ANKS1B: variants seen among roughly 807,000 people sequenced by gnomAD.
ANKS1B encodes ankyrin repeat and sterile alpha motif domain containing 1B, also known as ankyrin repeat and sterile alpha motif domain-containing protein 1B.
Under a neutral mutation model 148.3 loss-of-function variants are expected in ANKS1B, and 36 were observed. The observed-to-expected ratio is 0.24, with a 90% confidence interval of 0.19 to 0.32. The LOEUF is 0.32. ANKS1B is among the 10% of genes least tolerant of loss of function. The probability of loss-of-function intolerance (pLI) is 1.00; values close to 1 mark genes in which losing one functional copy is unlikely to be tolerated. For missense variants in ANKS1B, 1,157 were observed against 1,542.6 expected, an observed-to-expected ratio of 0.75 and a Z score of 4.19; for synonymous variants, 542 against 560.8, an observed-to-expected ratio of 0.97 and a Z score of 0.47.
intron 17 of ANKS1B, among the ~76,000 whole-genome samples, chr12:98,979,209 A>T (rs140386430): frequency 2.6e-5 from 4 of 152,012 alleles, no homozygotes; most frequent in African/African-American, 9.6e-5. Flanking sequence ...TACCACTTAC[A>T]TCACTTCATT....
At chr12:99,368,851 G>T (rs1353006390) in intron 12 of ANKS1B, among the ~76,000 whole-genome samples, 1 of 152,050 alleles carries the variant, frequency 6.6e-6, no homozygotes, top group Non-Finnish European at 1.5e-5. Context: ...TTTGGGAAAA[G>T]CTGTCGCCAA....
intron 12 of ANKS1B, among the ~76,000 whole-genome samples, chr12:99,325,117 G>T (rs1398994485): frequency 6.6e-6 from 1 of 151,994 alleles, no homozygotes; most frequent in Non-Finnish European, 1.5e-5. Context: ...AGCATATAGG[G>T]TCTTCAAAAA....
At chr12:99,377,896 C>G (rs1273955824) in intron 12 of ANKS1B, among the ~76,000 whole-genome samples, 2 of 152,128 alleles carry the variant, frequency 1.3e-5, no homozygotes, top group African/African-American at 4.8e-5. Flanking sequence ...TTGTGACTTG[C>G]TTGTAACAAC....
chr12:99,951,903 G>A (rs2095231640), intron 1 of ANKS1B, among the ~76,000 whole-genome samples: 1 of 152,018 alleles, frequency 6.6e-6, no homozygotes, highest in Non-Finnish European at 1.5e-5. Flanking sequence ...GTATTAGGTA[G>A]GACAGGGACC....
At chr12:98,808,565 G>A (rs2099068872) in intron 19 of ANKS1B, among the ~76,000 whole-genome samples, 1 of 152,074 alleles carries the variant, frequency 6.6e-6, no homozygotes, top group Non-Finnish European at 1.5e-5. Context: ...TGTTCCTCAA[G>A]CAGAAACCCT....
intron 14 of ANKS1B, among the ~76,000 whole-genome samples, chr12:99,234,699 A>G (rs1289274515): frequency 6.6e-6 from 1 of 151,972 alleles, no homozygotes; most frequent in East Asian, 1.9e-4. Context: ...GAAACTGAGT[A>G]AGTCACCTAA....
intron 17 of ANKS1B, among the ~76,000 whole-genome samples, chr12:99,010,724 A>G (rs1264357467): frequency 6.6e-6 from 1 of 150,706 alleles, no homozygotes; most frequent in Non-Finnish European, 1.5e-5. Context: ...GCAGATTAAG[A>G]ACAACTCCAG....
chr12:98,852,523 C>T (rs2099535204), intron 17 of ANKS1B, among the ~76,000 whole-genome samples: 1 of 152,078 alleles, frequency 6.6e-6, no homozygotes, highest in Non-Finnish European at 1.5e-5. Flanking sequence ...TGGGTTTAGC[C>T]TCTTGGAGTG....
Position 99,863,646 on chromosome 12 carries a change from C to G in ANKS1B, c.135-38257G>C, listed in dbSNP as rs548425411. Among the ~76,000 whole-genome samples, 7 of 151,934 alleles carry G rather than the reference C, an allele frequency of 4.6e-5. No homozygotes were observed. The East Asian group carries it at 1.2e-3, about 25-fold the overall frequency. The stretch of plus-strand genomic sequence containing the variant: ...AAGAGAATTGCTTGAACCCAGGAGA[C>G]AGAGGTTGCAGTGAGCCAAGATTGC... On this transcript the variant is annotated intron_variant, in intron 1 of 26. Transcript: ENST00000683438.
chr12:98,774,391 T>C (rs1385484792), intron 24 of ANKS1B, among the ~76,000 whole-genome samples: 2 of 152,238 alleles, frequency 1.3e-5, no homozygotes, highest in East Asian at 1.9e-4. Flanking sequence ...TTGTGCCTTC[T>C]TCCCTGGTGG....
chr12:99,246,210 C>T, intron 13 of ANKS1B, 65 bp downstream of exon 13: 7 of 1,270,080 alleles, frequency 5.5e-6, no homozygotes, highest in South Asian at 3.8e-5. Context: ...GCTGAAAATC[C>T]TTCCCCCAAA....
intron 9 of ANKS1B, chr12:99,648,899 G>C: frequency 7.2e-7 from 1 of 1,396,334 alleles, no homozygotes; most frequent in Non-Finnish European, 9.5e-7. Context: ...ATTGCATTTG[G>C]AAGGTCTGAA....
intron 12 of ANKS1B, among the ~76,000 whole-genome samples, chr12:99,302,123 C>T (rs2081720830): frequency 6.6e-6 from 1 of 152,036 alleles, no homozygotes. Context: ...TGGAGATATT[C>T]TCTTTCCAAT....
chr12:99,299,895 C>T (rs554605371), intron 12 of ANKS1B, among the ~76,000 whole-genome samples: 1 of 152,184 alleles, frequency 6.6e-6, no homozygotes, highest in South Asian at 2.1e-4. Context: ...TGATTTATTG[C>T]CTTTCCTGGA....
At chr12:99,109,980 C>G (rs952922148) in intron 15 of ANKS1B, among the ~76,000 whole-genome samples, 5 of 152,116 alleles carry the variant, frequency 3.3e-5, no homozygotes, top group African/African-American at 1.2e-4. Flanking sequence ...GAAGGGAACA[C>G]CAGCCAAAAC....
At chr12:99,433,779 G>A (rs960560374) in intron 11 of ANKS1B, among the ~76,000 whole-genome samples, 1 of 152,124 alleles carries the variant, frequency 6.6e-6, no homozygotes, top group Non-Finnish European at 1.5e-5. Flanking sequence ...GGAACTGGAT[G>A]AGAACACATG....
intron 9 of ANKS1B, among the ~76,000 whole-genome samples, chr12:99,573,924 T>C (rs998632286): frequency 2.0e-5 from 3 of 152,078 alleles, no homozygotes; most frequent in African/African-American, 7.2e-5. Context: ...TTAATTTCTC[T>C]TTTTTATCAT....
intron 9 of ANKS1B, among the ~76,000 whole-genome samples, chr12:99,550,556 G>A (rs1050352859): frequency 6.6e-6 from 1 of 151,894 alleles, no homozygotes; most frequent in African/African-American, 2.4e-5. Context: ...CCCGGGAGGT[G>A]GAGGTTGCAG....
At chr12:98,950,548 G>A (rs1225734621) in intron 17 of ANKS1B, among the ~76,000 whole-genome samples, 1 of 152,074 alleles carries the variant, frequency 6.6e-6, no homozygotes, top group African/African-American at 2.4e-5. Context: ...TGTCCTGCGA[G>A]TCCTAAGGAA....
Sources: gnomAD v4.1 joint callset for allele counts (sites outside exome capture counted in the v4.1 genomes callset) on GRCh38, gnomAD v4.1.1 for gene constraint, MANE v1.5 for transcripts, NCBI Gene and HGNC (gene_info 2026-07-23, HGNC 2026-07-21) for gene names.